Variants in TENM1 observed in about 807,000 individuals in gnomAD.
TENM1 encodes the protein teneurin-1.
TENM1 carries 35 observed loss-of-function variants against 174.8 expected under a neutral mutation model. The observed-to-expected ratio is 0.20, with a 90% CI of 0.15 to 0.27. TENM1 has a LOEUF of 0.27. Ranked by LOEUF, TENM1 falls within the 10% of genes least tolerant of loss-of-function variation. The pLI, the probability that TENM1 is intolerant of heterozygous loss-of-function variation, is 1.00. For missense variants in TENM1, 1,633 were observed against 2,130.1 expected (o/e 0.77, Z 4.59); for synonymous variants, 781 against 798.7 (o/e 0.98, Z 0.37).
intron 15 of TENM1, among the ~76,000 whole-genome samples, chrX:124,537,642 C>T (rs1405473196): frequency 8.9e-6 from 1 of 112,086 alleles, no homozygotes; most frequent in Non-Finnish European, 1.9e-5. Flanking sequence ...AACTGCTGAG[C>T]ACTTCCTATG....
chrX:124,608,456 A>C (rs1158777660), intron 11 of TENM1, among the ~76,000 whole-genome samples: 1 of 111,320 alleles, frequency 9.0e-6, no homozygotes, highest in East Asian at 2.8e-4. Flanking sequence ...TCTGGAAATA[A>C]TGCTACCCCA....
the TENM1 span, among the ~76,000 whole-genome samples, chrX:125,174,945 A>C: frequency 9.0e-6 from 1 of 111,697 alleles, no homozygotes; most frequent in African/African-American, 3.2e-5. Context: ...CAACCTTCAT[A>C]AAGTTATTGT....
At chrX:125,051,298 C>A in the TENM1 span, among the ~76,000 whole-genome samples, 8 of 110,805 alleles carry the variant, frequency 7.2e-5, no homozygotes, top group Non-Finnish European at 1.3e-4. Flanking sequence ...AATGCCATCC[C>A]CATCAAGCTA....
At chrX:125,023,384 G>C in the TENM1 span, among the ~76,000 whole-genome samples, 1 of 111,241 alleles carries the variant, frequency 9.0e-6, no homozygotes, top group African/African-American at 3.3e-5. Flanking sequence ...AGAACTGTAA[G>C]TCAATTACAA....
At chrX:124,709,288 A>G (rs761919344) in intron 4 of TENM1, among the ~76,000 whole-genome samples, 1 of 111,631 alleles carries the variant, frequency 9.0e-6, no homozygotes, top group Non-Finnish European at 1.9e-5. Context: ...CTAGTAATTG[A>G]TTAAACTGAG....
At chrX:124,434,205 C>T (rs771602613) in intron 23 of TENM1, among the ~76,000 whole-genome samples, 5 of 111,305 alleles carry the variant, frequency 4.5e-5, no homozygotes, top group African/African-American at 6.5e-5. Flanking sequence ...AAGAATAGCT[C>T]GTTGGGGCCC....
chrX:125,066,073 T>C, the TENM1 span, among the ~76,000 whole-genome samples: 1 of 111,815 alleles, frequency 8.9e-6, no homozygotes, highest in Admixed American at 9.5e-5. Flanking sequence ...AATAGCCATT[T>C]GTGAAGAAAT....
chrX:124,983,907 G>T, the TENM1 span, among the ~76,000 whole-genome samples: 65 of 111,297 alleles, frequency 5.8e-4, no homozygotes, highest in Non-Finnish European at 1.2e-3. Flanking sequence ...GAACCACTGT[G>T]CCCGGGCAAT....
chrX:124,406,596 A>G, intron 25 of TENM1, 107 bp from the exon 29 acceptor site: 1 of 481,901 alleles, frequency 2.1e-6, no homozygotes, highest in Admixed American at 3.8e-5. Context: ...TTGAGTGATA[A>G]CAAGTATTAT....
At chrX:124,391,919 T>A in intron 28 of TENM1, 133 bp downstream of exon 31, 1 of 539,867 alleles carries the variant, frequency 1.9e-6, no homozygotes, top group Non-Finnish European at 2.9e-6. Context: ...CATCTTTTTG[T>A]TACTTCTACA....
chrX:124,587,184 ACTACT>A (rs1218890247), intron 11 of TENM1, among the ~76,000 whole-genome samples: 11 of 110,253 alleles, frequency 1.0e-4, no homozygotes, highest in African/African-American at 3.7e-4. Context: ...ATTGGAAAAA[ACTACT>A]TTAAAGTTCA....
chrX:125,182,927 A>G, the TENM1 span, among the ~76,000 whole-genome samples: 5 of 112,352 alleles, frequency 4.5e-5, no homozygotes, highest in Non-Finnish European at 9.4e-5. Context: ...TTTAAAAATC[A>G]ATTTAAAATA....
the TENM1 span, among the ~76,000 whole-genome samples, chrX:124,969,377 T>C: frequency 1.8e-5 from 2 of 112,096 alleles, no homozygotes; most frequent in South Asian, 3.7e-4. Context: ...TAAGTGACTT[T>C]AGAAGACAGC....
chrX:124,917,775 C>T (rs1021990663), intron 1 of TENM1, among the ~76,000 whole-genome samples: 2 of 111,846 alleles, frequency 1.8e-5, no homozygotes, highest in Admixed American at 1.9e-4. Flanking sequence ...CATTCATTTT[C>T]TGTGCAAATT....
the TENM1 span, among the ~76,000 whole-genome samples, chrX:125,157,893 A>G: frequency 9.0e-6 from 1 of 111,642 alleles, no homozygotes; most frequent in African/African-American, 3.3e-5. Context: ...ACTAGCTGTT[A>G]AAGTTAAAAA....
chrX:124,547,053 T>A, exon 15 of TENM1: 1 of 1,211,324 alleles, frequency 8.3e-7, no homozygotes, highest in African/African-American at 1.7e-5. Flanking sequence ...AGTTGCTTTG[T>A]TGACAACAGT....
intron 25 of TENM1, among the ~76,000 whole-genome samples, chrX:124,409,670 G>T (rs2060508328): frequency 9.3e-6 from 1 of 107,409 alleles, no homozygotes; most frequent in Non-Finnish European, 1.9e-5. Flanking sequence ...CTTCAGCAAA[G>T]TCTCAGGATA....
At chrX:124,410,582 G>A in intron 25 of TENM1, among the ~76,000 whole-genome samples, 1 of 111,360 alleles carries the variant, frequency 9.0e-6, no homozygotes, top group South Asian at 3.8e-4. Context: ...GAGTGAACAG[G>A]CAACCTACAG....
At chrX:124,901,767 C>G (rs2057668105) in intron 1 of TENM1, among the ~76,000 whole-genome samples, 1 of 111,796 alleles carries the variant, frequency 8.9e-6, no homozygotes, top group Non-Finnish European at 1.9e-5. Flanking sequence ...TTCTGATAAG[C>G]TCAAGACTAT....
Sources: allele counts gnomAD v4.1 joint callset (sites outside exome capture counted in the v4.1 genomes callset), GRCh38; gene constraint gnomAD v4.1.1; transcripts MANE v1.5; gene names NCBI Gene and HGNC (gene_info 2026-07-23, HGNC 2026-07-21).